Variants in MYLK4 observed in about 807,000 individuals in gnomAD.
MYLK4 encodes the protein caMLCK like.
MYLK4 carries 46 observed loss-of-function variants against 48.1 expected under a neutral mutation model. The observed-to-expected ratio is 0.96, with a 90% CI of 0.75 to 1.22. The LOEUF is 1.22. Among genes scored for constraint, MYLK4 ranks in the 50% most tolerant of loss-of-function variants. MYLK4 has a pLI of 0.00. For missense variants in MYLK4, 451 were observed against 486.1 expected, an observed-to-expected ratio of 0.93 and a Z score of 0.68; for synonymous variants, 170 against 180.8, an observed-to-expected ratio of 0.94 and a Z score of 0.48.
chr6:2,750,212 A>AT (rs985118538), intron 1 of MYLK4, among the ~76,000 whole-genome samples: 6 of 152,154 alleles, frequency 3.9e-5, no homozygotes, highest in African/African-American at 1.4e-4. Context: ...CTCTTCGAGC[A>AT]TTTTCTCCGC....
At chr6:2,727,185 G>A (rs185636539) in intron 2 of MYLK4, among the ~76,000 whole-genome samples, 2 of 152,294 alleles carry the variant, frequency 1.3e-5, no homozygotes, top group Non-Finnish European at 2.9e-5. Flanking sequence ...TAAAGAAGTG[G>A]CTGCATTAAC....
chr6:2,748,387 G>C (rs188024635), intron 2 of MYLK4, among the ~76,000 whole-genome samples: 1 of 152,184 alleles, frequency 6.6e-6, no homozygotes, highest in Non-Finnish European at 1.5e-5. Context: ...ATGAAGGCAC[G>C]GGCAAAATGC....
chr6:2,688,178 C>CTGGGA (rs1761632104), intron 4 of MYLK4, among the ~76,000 whole-genome samples: 1 of 152,048 alleles, frequency 6.6e-6, no homozygotes, highest in Non-Finnish European at 1.5e-5. Context: ...CCTGCCTCAG[C>CTGGGA]CTCCCGAGTA....
chr6:2,683,391 T>TTGTGTGTGTGTG (rs67359849), intron 6 of MYLK4, among the ~76,000 whole-genome samples: 7,159 of 126,468 alleles, frequency 0.057, 393 homozygotes, highest in Admixed American at 0.098. Flanking sequence ...CCCCACCTTT[T>TTGTGTGTGTGTG]TGTGTGTGTG....
chr6:2,688,152 T>C (rs1761630008), intron 4 of MYLK4, among the ~76,000 whole-genome samples: 1 of 152,012 alleles, frequency 6.6e-6, no homozygotes, highest in African/African-American at 2.4e-5. Flanking sequence ...TCCAACTCCC[T>C]GGTTCAAGCG....
At chr6:2,741,902 A>G (rs1763910995) in intron 2 of MYLK4, among the ~76,000 whole-genome samples, 1 of 152,218 alleles carries the variant, frequency 6.6e-6, no homozygotes, top group Non-Finnish European at 1.5e-5. Flanking sequence ...TTCCACATGG[A>G]AGATGAAAGC....
At chr6:2,699,110 T>C (rs768151660) in intron 2 of MYLK4, among the ~76,000 whole-genome samples, 1 of 152,014 alleles carries the variant, frequency 6.6e-6, no homozygotes, top group Non-Finnish European at 1.5e-5. Flanking sequence ...GCCAAGTAAA[T>C]GGGACCCTCC....
At chr6:2,731,804 G>C (rs372905506) in intron 2 of MYLK4, among the ~76,000 whole-genome samples, 1 of 152,164 alleles carries the variant, frequency 6.6e-6, no homozygotes, top group Non-Finnish European at 1.5e-5. Context: ...TTTTATATGC[G>C]TAGGTTATCT....
intron 12 of MYLK4, 124 bp downstream of exon 12, chr6:2,671,152 C>T: frequency 1.5e-6 from 1 of 650,084 alleles, no homozygotes; most frequent in Non-Finnish European, 2.7e-6. Context: ...GATTTCAGGG[C>T]CCTCCACGCC....
chr6:2,686,373 T>C (rs1582043605), intron 4 of MYLK4, among the ~76,000 whole-genome samples: 1 of 152,232 alleles, frequency 6.6e-6, no homozygotes, highest in Non-Finnish European at 1.5e-5. Flanking sequence ...TGCATATACA[T>C]CCATATAGTC....
At chr6:2,747,146 C>G (rs1299452282) in intron 2 of MYLK4, among the ~76,000 whole-genome samples, 1 of 152,112 alleles carries the variant, frequency 6.6e-6, no homozygotes, top group Non-Finnish European at 1.5e-5. Flanking sequence ...AGCCAGGAGG[C>G]CCAAGTTACA....
chr6:2,703,015 G>T (rs1166066453), intron 2 of MYLK4, among the ~76,000 whole-genome samples: 1 of 152,132 alleles, frequency 6.6e-6, no homozygotes, highest in Non-Finnish European at 1.5e-5. Context: ...TTAAAACATG[G>T]AAATACCTCC....
intron 12 of MYLK4, among the ~76,000 whole-genome samples, chr6:2,669,250 G>A (rs1369280854): frequency 6.6e-6 from 1 of 152,214 alleles, no homozygotes; most frequent in Non-Finnish European, 1.5e-5. Context: ...CCCTCCTCAA[G>A]CAGTTCCAGC....
At chr6:2,680,334 A>T (rs377280487) in intron 7 of MYLK4, 43 bp from the exon 8 acceptor site, 1 of 1,611,874 alleles carries the variant, frequency 6.2e-7, no homozygotes, top group Non-Finnish European at 8.5e-7. Flanking sequence ...AACAACCATC[A>T]TTCACTCAAA....
chr6:2,724,700 A>C (rs1214287321), intron 2 of MYLK4, among the ~76,000 whole-genome samples: 1 of 152,158 alleles, frequency 6.6e-6, no homozygotes, highest in Non-Finnish European at 1.5e-5. Flanking sequence ...TGCGGTGAAC[A>C]CAGAGCCCAG....
intron 2 of MYLK4, among the ~76,000 whole-genome samples, chr6:2,715,458 T>A (rs1001970729): frequency 9.2e-5 from 14 of 152,206 alleles, no homozygotes; most frequent in African/African-American, 3.4e-4. Context: ...ATTTCATCTA[T>A]GTTGCTGTTT....
At chr6:2,701,949 G>T (rs1463477447) in intron 2 of MYLK4, among the ~76,000 whole-genome samples, 1 of 152,206 alleles carries the variant, frequency 6.6e-6, no homozygotes, top group Non-Finnish European at 1.5e-5. Flanking sequence ...TTTACATCTT[G>T]CCTCCATCCA....
chr6:2,740,778 C>T (rs1231215119), intron 2 of MYLK4, among the ~76,000 whole-genome samples: 1 of 152,216 alleles, frequency 6.6e-6, no homozygotes, highest in African/African-American at 2.4e-5. Flanking sequence ...CTAAACGCTG[C>T]CTACGATCAG....
chr6:2,730,592 A>T (rs1763444351), intron 2 of MYLK4, among the ~76,000 whole-genome samples: 1 of 152,190 alleles, frequency 6.6e-6, no homozygotes. Flanking sequence ...GCAGTGTAGG[A>T]ATCCCCTGTT....
Sources: allele counts gnomAD v4.1 joint callset (sites outside exome capture counted in the v4.1 genomes callset), GRCh38; gene constraint gnomAD v4.1.1; transcripts MANE v1.5; gene names NCBI Gene and HGNC (gene_info 2026-07-23, HGNC 2026-07-21).